Variants in CLSTN2 observed in about 807,000 individuals in gnomAD.
The protein encoded by CLSTN2 is calsyntenin 2.
A neutral mutation model predicts 101.2 loss-of-function variants in CLSTN2; 48 were observed. The ratio of observed to expected loss-of-function variants is 0.47; its 90% CI spans 0.38 to 0.60. CLSTN2 has a LOEUF of 0.60. Ranked by LOEUF, CLSTN2 falls within the 20% of genes least tolerant of loss-of-function variation. CLSTN2 has a pLI of 0.00. For synonymous variants in CLSTN2, 481 were observed against 463.6 expected (o/e 1.04, Z -0.48); for missense variants, 1,160 against 1,238.2 (o/e 0.94, Z 0.95).
chr3:140,173,668 G>T (rs1559798138), intron 1 of CLSTN2, among the ~76,000 whole-genome samples: 1 of 152,224 alleles, frequency 6.6e-6, no homozygotes, highest in Non-Finnish European at 1.5e-5. Flanking sequence ...TGAAATTCAG[G>T]TGGAGGTTTC....
chr3:140,101,130 G>T (rs1351355745), intron 1 of CLSTN2, among the ~76,000 whole-genome samples: 1 of 152,096 alleles, frequency 6.6e-6, no homozygotes. Context: ...TGTAAAATGT[G>T]GTTGATAATG....
At chr3:140,263,165 G>T (rs1274479386) in intron 2 of CLSTN2, among the ~76,000 whole-genome samples, 1 of 151,978 alleles carries the variant, frequency 6.6e-6, no homozygotes, top group African/African-American at 2.4e-5. Flanking sequence ...AAAAGAAGGG[G>T]TTATTCAGAG....
intron 2 of CLSTN2, among the ~76,000 whole-genome samples, chr3:140,351,695 A>G (rs1446255124): frequency 1.3e-5 from 2 of 152,222 alleles, no homozygotes; most frequent in Non-Finnish European, 2.9e-5. Flanking sequence ...TTTGTCCTGC[A>G]GGCTCTAGAG....
At chr3:139,954,883 T>TG (rs1935360710) in intron 1 of CLSTN2, among the ~76,000 whole-genome samples, 5 of 152,086 alleles carry the variant, frequency 3.3e-5, no homozygotes, top group African/African-American at 1.2e-4. Flanking sequence ...AGAGACTTAG[T>TG]GCACCGAGCC....
intron 1 of CLSTN2, among the ~76,000 whole-genome samples, chr3:140,104,457 T>C (rs1379813949): frequency 6.6e-6 from 1 of 152,192 alleles, no homozygotes; most frequent in Non-Finnish European, 1.5e-5. Context: ...GAGCTCCTAG[T>C]TTTCTTGTTC....
At chr3:140,463,883 A>G (rs1200833407) in intron 7 of CLSTN2, among the ~76,000 whole-genome samples, 2 of 152,160 alleles carry the variant, frequency 1.3e-5, no homozygotes, top group East Asian at 3.9e-4. Context: ...GCTGGAGGGG[A>G]TTCCTGAGAG....
chr3:139,948,462 C>T (rs1267840110), intron 1 of CLSTN2, among the ~76,000 whole-genome samples: 2 of 148,840 alleles, frequency 1.3e-5, no homozygotes, highest in Non-Finnish European at 3.0e-5. Flanking sequence ...GACTCCATCT[C>T]AAGAAAAAAA....
intron 2 of CLSTN2, among the ~76,000 whole-genome samples, chr3:140,342,829 G>T (rs1258607014): frequency 6.6e-6 from 1 of 152,146 alleles, no homozygotes; most frequent in East Asian, 1.9e-4. Context: ...ACATCTTGCA[G>T]CCTCTGCATG....
intron 2 of CLSTN2, among the ~76,000 whole-genome samples, chr3:140,202,927 A>T (rs1227782843): frequency 6.6e-6 from 1 of 152,100 alleles, no homozygotes; most frequent in Admixed American, 6.5e-5. Flanking sequence ...TGGACGGTGC[A>T]ATGTGGGTGG....
chr3:139,971,023 A>G (rs555792014), intron 1 of CLSTN2, among the ~76,000 whole-genome samples: 1 of 152,328 alleles, frequency 6.6e-6, no homozygotes, highest in East Asian at 1.9e-4. Context: ...AATCAATCAA[A>G]GGGAAGATTA....
At chr3:140,478,256 G>A (rs551111274) in intron 8 of CLSTN2, among the ~76,000 whole-genome samples, 1 of 151,452 alleles carries the variant, frequency 6.6e-6, no homozygotes, top group South Asian at 2.1e-4. Flanking sequence ...TCTACACTGT[G>A]GTTCCCAAAC....
chr3:140,311,287 C>CTTTTTTTTTTTTTT lies in CLSTN2; in HGVS notation c.233-92319_233-92306dup, dbSNP rs750088450. ...ATAATAACAGCTAAGGTTTATTATC[C>CTTTTTTTTTTTTTT]TTTTTTTTTTTTTTTTTTTTTTTTT... On this transcript the variant is annotated intron_variant, in intron 2 of 16. Coordinates refer to ENST00000458420, the MANE Select transcript of CLSTN2 (RefSeq NM_022131.3). 2.7e-4 allele frequency among the ~76,000 whole-genome samples: 14 copies of CTTTTTTTTTTTTTT among 52,080 alleles called. 5 individuals carry two copies. The highest frequency in any genetic ancestry group is 1.6e-3 in the East Asian group (2 of 1,290). The allele number at this position is 52,080 out of a possible 152,430, so 34.2% of individuals were successfully genotyped here.
rs535782917 is a variant in CLSTN2, at chr3:140,557,768, A to G, written c.1824-872A>G. ...CCCACCTAGCACTCCCAGAGCATCT[A>G]TCTGGCTCTGGGGTCCCCCGTTGTA... On this transcript the variant is annotated intron_variant, in intron 11 of 16. Transcript: ENST00000458420. Among the ~76,000 whole-genome samples, 13 of 152,272 alleles carry G rather than the reference A, an allele frequency of 8.5e-5. 1 individual carries two copies. The highest frequency in any genetic ancestry group is 4.1e-4 in the South Asian group (2 of 4,820).
chr3:140,501,423 C>G (rs972265525), intron 8 of CLSTN2, among the ~76,000 whole-genome samples: 2 of 152,306 alleles, frequency 1.3e-5, no homozygotes, highest in South Asian at 2.1e-4. Flanking sequence ...GGAGGGGCAC[C>G]CTTGCGTCCT....
intron 1 of CLSTN2, among the ~76,000 whole-genome samples, chr3:140,170,829 A>G (rs1480360052): frequency 4.6e-5 from 7 of 152,190 alleles, no homozygotes; most frequent in Admixed American, 4.6e-4. Context: ...AAGTGGCATC[A>G]CCATCAGCAT....
chr3:140,403,899 C>T (rs772922765), intron 3 of CLSTN2, 75 bp downstream of exon 3: 31 of 1,218,218 alleles, frequency 2.5e-5, no homozygotes, highest in Non-Finnish European at 3.6e-5. Context: ...TGCTGCTCTT[C>T]AGATATGTTT....
chr3:139,960,114 G>A (rs1210029462), intron 1 of CLSTN2, among the ~76,000 whole-genome samples: 1 of 152,182 alleles, frequency 6.6e-6, no homozygotes, highest in African/African-American at 2.4e-5. Context: ...TAGTGGGAGA[G>A]GGAAGGGAAA....
At chr3:140,396,920 G>C (rs892468934) in intron 2 of CLSTN2, among the ~76,000 whole-genome samples, 1 of 152,008 alleles carries the variant, frequency 6.6e-6, no homozygotes, top group African/African-American at 2.4e-5. Context: ...ATGTTTTTTG[G>C]TCTTATGACC....
intron 1 of CLSTN2, among the ~76,000 whole-genome samples, chr3:140,141,561 T>A (rs569929856): frequency 6.6e-6 from 1 of 152,340 alleles, no homozygotes; most frequent in East Asian, 1.9e-4. Context: ...GACAACCCCT[T>A]GGCCTGGCCA....
Sources: gnomAD v4.1 joint callset for allele counts (sites outside exome capture counted in the v4.1 genomes callset) on GRCh38, gnomAD v4.1.1 for gene constraint, MANE v1.5 for transcripts, NCBI Gene and HGNC (gene_info 2026-07-23, HGNC 2026-07-21) for gene names.